The following CNTLN variants were observed in gnomAD, a reference collection of about 807,000 sequenced individuals.
The protein encoded by CNTLN is centlein, also known as centlein, centrosomal protein.
Under a neutral mutation model 180.0 loss-of-function variants are expected in CNTLN, and 212 were observed. That is an observed-to-expected ratio of 1.18 (90% confidence interval 1.05 to 1.32). The LOEUF (loss-of-function observed/expected upper bound fraction) is 1.32, where lower values mean the gene tolerates loss of function less well. CNTLN is among the 40% of genes most tolerant of loss of function. The probability of loss-of-function intolerance (pLI) is 0.00; values close to 1 mark genes in which losing one functional copy is unlikely to be tolerated. For synonymous variants in CNTLN, 722 were observed against 563.1 expected, an observed-to-expected ratio of 1.28 and a Z score of -3.99; for missense variants, 2,095 against 1,610.9, an observed-to-expected ratio of 1.30 and a Z score of -5.14.
intron 2 of CNTLN, among the ~76,000 whole-genome samples, chr9:17,214,527 T>C (rs997585564): frequency 6.6e-6 from 1 of 152,208 alleles, no homozygotes; most frequent in Non-Finnish European, 1.5e-5. Context: ...CTGACAATTA[T>C]GTGTCTTGGA....
chr9:17,220,918 T>C (rs1008272969), intron 2 of CNTLN, among the ~76,000 whole-genome samples: 4 of 152,162 alleles, frequency 2.6e-5, no homozygotes, highest in African/African-American at 9.6e-5. Context: ...TGGGTGCATA[T>C]GTCTTTATAT....
chr9:17,497,815 A>G lies in CNTLN; in HGVS notation c.4120-4736A>G, dbSNP rs997621460. 4.6e-5 allele frequency among the ~76,000 whole-genome samples: 7 copies of G among 152,304 alleles called. No individual in the cohort carries two copies. The East Asian group carries it at 1.3e-3, about 29-fold the overall frequency. On this transcript the variant is annotated intron_variant, in intron 25 of 25. Coordinates refer to ENST00000380647, the MANE Select transcript of CNTLN (RefSeq NM_017738.4). ...TCTGATAGCATTCTTGATTATTTTA[A>G]CAAGTTCAGTCTTTAACTACAAGAT...
the CNTLN span, among the ~76,000 whole-genome samples, chr9:17,516,439 C>T: frequency 6.6e-6 from 1 of 152,206 alleles, no homozygotes; most frequent in Non-Finnish European, 1.5e-5. Context: ...TGGGAACCTT[C>T]AGACATGAAG....
chr9:17,157,650 G>A (rs961428941), intron 2 of CNTLN, among the ~76,000 whole-genome samples: 2 of 152,202 alleles, frequency 1.3e-5, no homozygotes, highest in South Asian at 4.1e-4. Context: ...GCCATCATCC[G>A]GTCATTTGAG....
At chr9:17,522,658 G>A in the CNTLN span, among the ~76,000 whole-genome samples, 1 of 151,782 alleles carries the variant, frequency 6.6e-6, no homozygotes, top group Admixed American at 6.6e-5. Context: ...ACCGAAAGTC[G>A]GCCTGCCTTC....
intron 2 of CNTLN, chr9:17,166,791 C>G: frequency 2.9e-6 from 1 of 342,712 alleles, no homozygotes; most frequent in Non-Finnish European, 5.8e-6. Context: ...AACACATGGT[C>G]TCACATCTCC....
intron 23 of CNTLN, among the ~76,000 whole-genome samples, chr9:17,473,191 T>C (rs2441996): frequency 0.047 from 7,180 of 152,258 alleles, 200 homozygotes; most frequent in Middle Eastern, 0.11. Context: ...CTCAGCACTA[T>C]GTGATAATCC....
chr9:17,170,854 T>A (rs1177058016), intron 2 of CNTLN, among the ~76,000 whole-genome samples: 1 of 152,188 alleles, frequency 6.6e-6, no homozygotes, highest in East Asian at 1.9e-4. Context: ...ACCGTATTTT[T>A]ACTGTACTTT....
At chr9:17,325,577 G>GCA (rs72054312) in intron 8 of CNTLN, among the ~76,000 whole-genome samples, 35,397 of 119,306 alleles carry the variant, frequency 0.3, 4,353 homozygotes, top group South Asian at 0.43. Context: ...ACACACACAC[G>GCA]CACACACACA....
chr9:17,287,904 C>G (rs1298508462), intron 6 of CNTLN, among the ~76,000 whole-genome samples: 1 of 144,842 alleles, frequency 6.9e-6, no homozygotes, highest in East Asian at 2.0e-4. Context: ...CTCTTTTTTT[C>G]TTTATTAGTC....
At chr9:17,189,844 GTCTT>G (rs1257064455) in intron 2 of CNTLN, among the ~76,000 whole-genome samples, 2 of 151,942 alleles carry the variant, frequency 1.3e-5, no homozygotes, top group African/African-American at 4.8e-5. Context: ...ATATTACGAG[GTCTT>G]TTCACTCTGA....
At chr9:17,210,942 A>T (rs1422452371) in intron 2 of CNTLN, among the ~76,000 whole-genome samples, 2 of 152,094 alleles carry the variant, frequency 1.3e-5, no homozygotes, top group South Asian at 4.1e-4. Flanking sequence ...TTCATTGTAG[A>T]TTCTGGATAT....
intron 3 of CNTLN, among the ~76,000 whole-genome samples, chr9:17,234,728 C>G (rs904001647): frequency 5.3e-5 from 8 of 151,770 alleles, no homozygotes; most frequent in Non-Finnish European, 8.8e-5. Flanking sequence ...GGTTGACAGA[C>G]AGAAGGTGTT....
intron 3 of CNTLN, among the ~76,000 whole-genome samples, chr9:17,234,519 C>A (rs1463329200): frequency 1.3e-5 from 2 of 152,126 alleles, no homozygotes; most frequent in East Asian, 3.9e-4. Flanking sequence ...CACTTTTCAT[C>A]ATAATCCTGG....
downstream of CNTLN, among the ~76,000 whole-genome samples, chr9:17,506,655 G>A (rs1230114308): frequency 1.3e-5 from 2 of 151,918 alleles, no homozygotes; most frequent in Non-Finnish European, 2.9e-5. Context: ...GGATTTAGAG[G>A]GTCGAAAGTG....
At chr9:17,475,803 G>A (rs1396606144) in intron 23 of CNTLN, among the ~76,000 whole-genome samples, 4 of 151,462 alleles carry the variant, frequency 2.6e-5, no homozygotes, top group African/African-American at 9.7e-5. Context: ...AACCCGGGAG[G>A]TGGAGCTTGC....
At chr9:17,521,386 T>TC in the CNTLN span, among the ~76,000 whole-genome samples, 1 of 151,686 alleles carries the variant, frequency 6.6e-6, no homozygotes, top group African/African-American at 2.4e-5. Context: ...ACTCCTGTGA[T>TC]CAGGTTCTGT....
At chr9:17,273,905 G>T (rs762346690) in intron 6 of CNTLN, 39 bp downstream of exon 6, 9 of 1,409,846 alleles carry the variant, frequency 6.4e-6, no homozygotes, top group East Asian at 2.6e-5. Flanking sequence ...TCATAGAAAT[G>T]TCATTAGTTA....
chr9:17,479,665 G>A (rs923196938), intron 23 of CNTLN, among the ~76,000 whole-genome samples: 1 of 152,102 alleles, frequency 6.6e-6, no homozygotes. Flanking sequence ...TGTTAAGAGA[G>A]TAGGTCTCAT....
Sources: allele counts gnomAD v4.1 joint callset (sites outside exome capture counted in the v4.1 genomes callset), GRCh38; gene constraint gnomAD v4.1.1; transcripts MANE v1.5; gene names NCBI Gene and HGNC (gene_info 2026-07-23, HGNC 2026-07-21).